ZNF557: variants seen among roughly 807,000 people sequenced by gnomAD.
The protein encoded by ZNF557 is zinc finger protein 557.
A neutral mutation model predicts 21.2 loss-of-function variants in ZNF557; 19 were observed. The observed-to-expected ratio is 0.90, with a 90% CI of 0.63 to 1.32. The LOEUF (loss-of-function observed/expected upper bound fraction) is 1.32, where lower values mean the gene tolerates loss of function less well. Among genes scored for constraint, ZNF557 ranks in the 40% most tolerant of loss-of-function variants. The probability of loss-of-function intolerance (pLI) is 0.00; values close to 1 mark genes in which losing one functional copy is unlikely to be tolerated. For missense variants in ZNF557, 487 were observed against 519.8 expected (o/e 0.94, Z 0.61); for synonymous variants, 207 against 194.8 (o/e 1.06, Z -0.52).
In ZNF557 at chr19:7,082,875, T is replaced by C. The variant is rs1977741319; in HGVS notation, c.427-3T>C. 1.9e-6 allele frequency: 3 copies of C among 1,560,898 alleles called. No homozygotes were observed. Among genetic ancestry groups the C allele is most frequent in the Non-Finnish European group, 8.7e-7 (1 of 1,154,858 alleles). ...GTACTTATTGTCATCTCTTAATCAA[T>C]AGGAGAGGAATCATCTTGGAGCAAC... On this transcript the variant is annotated splice_region_variant and splice_polypyrimidine_tract_variant and intron_variant, in intron 7 of 7. Coordinates refer to ENST00000252840, the MANE Select transcript of ZNF557 (RefSeq NM_024341.3).
intron 2 of ZNF557, among the ~76,000 whole-genome samples, chr19:7,072,785 T>C (rs1306127064): frequency 6.6e-6 from 1 of 152,136 alleles, no homozygotes; most frequent in Non-Finnish European, 1.5e-5. Flanking sequence ...CACATATCAC[T>C]CTGAAATGCA....
At chr19:7,073,157 G>GTTTTTGTT (rs1977500321) in intron 2 of ZNF557, among the ~76,000 whole-genome samples, 1 of 136,072 alleles carries the variant, frequency 7.3e-6, no homozygotes, top group Non-Finnish European at 1.5e-5. Context: ...GGTTTTTTTT[G>GTTTTTGTT]TTTTTTTTTT....
intron 1 of ZNF557, among the ~76,000 whole-genome samples, chr19:7,070,329 C>G (rs1441976128): frequency 6.6e-6 from 1 of 152,192 alleles, no homozygotes; most frequent in African/African-American, 2.4e-5. Context: ...CAGATGAAAA[C>G]AGCTTTAAGC....
At chr19:7,076,312 T>G in intron 4 of ZNF557, 69 bp from the exon 5 acceptor site, 1 of 1,613,994 alleles carries the variant, frequency 6.2e-7, no homozygotes, top group Non-Finnish European at 8.5e-7. Flanking sequence ...TCTGTTCTCC[T>G]GGCCCCTCTT....
intron 3 of ZNF557, 40 bp from the exon 4 acceptor site, chr19:7,075,615 G>A (rs1490630350): frequency 4.4e-6 from 7 of 1,602,138 alleles, no homozygotes; most frequent in Non-Finnish European, 6.0e-6. Context: ...GTGGACACAG[G>A]GCAGGTGTGG....
chr19:7,074,941 A>G lies in ZNF557; in HGVS notation c.-79-55A>G. 3 of 1,469,072 alleles carry G rather than the reference A, an allele frequency of 2.0e-6. No homozygotes were observed. The East Asian group carries it at 6.9e-5, about 34-fold the overall frequency. The allele number at this position is 1,469,072 out of a possible 1,614,324, so 91.0% of individuals were successfully genotyped here. A position where few individuals can be genotyped will look rare whatever the true frequency, so the allele number is the denominator to read the frequency against. Reference sequence around the variant, plus strand: ...GGGCAGGAGACGGGGTGACCGACGCAGGGCACGGGCTGGAGGGGGTGACCG... The same window carrying G: ...GGGCAGGAGACGGGGTGACCGACGCGGGGCACGGGCTGGAGGGGGTGACCG... On this transcript the variant is annotated intron_variant, in intron 2 of 7. Transcript: ENST00000252840.
intron 5 of ZNF557, 151 bp downstream of exon 5, chr19:7,076,658 G>A: frequency 8.6e-7 from 1 of 1,158,282 alleles, no homozygotes; most frequent in Non-Finnish European, 1.2e-6. Context: ...GGTTCACAGT[G>A]TAGTACAGCC....
chr19:7,084,857 A>G lies in ZNF557; in HGVS notation c.*1113A>G, dbSNP rs75696162. 2 of 152,172 alleles carry G rather than the reference A, an allele frequency of 1.3e-5. No homozygotes were observed. Among genetic ancestry groups the G allele is most frequent in the African/African-American group, 2.4e-5 (1 of 41,448 alleles). The allele number at this position is 152,172 out of a possible 1,614,324, so 9.4% of individuals were successfully genotyped here. A position where few individuals can be genotyped will look rare whatever the true frequency, so the allele number is the denominator to read the frequency against. On this transcript the variant is annotated 3_prime_UTR_variant, in exon 8 of 8. Transcript: ENST00000252840. ...TTCAGTGATGGCTTCAGGGAGTCAC[A>G]TGACAACTCACAATAAGGGGAAACC...
chr19:7,070,089 G>T (rs1326544152), intron 1 of ZNF557, among the ~76,000 whole-genome samples: 4 of 152,220 alleles, frequency 2.6e-5, no homozygotes, highest in African/African-American at 9.6e-5. Context: ...TAGCAGCTCA[G>T]CATCCTGCAG....
chr19:7,071,868 G>T (rs1209395907), intron 2 of ZNF557, among the ~76,000 whole-genome samples: 5 of 148,854 alleles, frequency 3.4e-5, no homozygotes, highest in Non-Finnish European at 7.4e-5. Flanking sequence ...CACTTCGGGA[G>T]GCCAAGGCAG....
chr19:7,079,318 T>C (rs1392216500), intron 5 of ZNF557, among the ~76,000 whole-genome samples: 3 of 148,558 alleles, frequency 2.0e-5, no homozygotes, highest in Non-Finnish European at 4.4e-5. Context: ...CTTGGCTAAC[T>C]GCAAGCTCTG....
intron 4 of ZNF557, 58 bp downstream of exon 4, chr19:7,075,801 G>A (rs970463156): frequency 2.5e-6 from 4 of 1,592,718 alleles, no homozygotes; most frequent in Non-Finnish European, 3.4e-6. Context: ...GGTTGGACTT[G>A]ATGCCTTTCA....
intron 3 of ZNF557, among the ~76,000 whole-genome samples, chr19:7,075,421 C>T (rs1011673850): frequency 6.6e-6 from 1 of 152,164 alleles, no homozygotes; most frequent in African/African-American, 2.4e-5. Flanking sequence ...TAATCCCTTC[C>T]CCAAGTGCAG....
chr19:7,081,402 A>ACTCC lies in ZNF557; in HGVS notation c.290_291insCTCC (p.Gln97HisfsTer5). The stretch of plus-strand genomic sequence containing the variant: ...CCTAGGCTGATCTCCCAGCTGGAGC[A>ACTCC]AGAAGATAAAGTGATGACAGAAGAG... On this transcript the variant is annotated frameshift_variant, in exon 6 of 8. Transcript: ENST00000252840. LOFTEE classifies it high-confidence loss of function. 1 of 1,614,010 alleles carries ACTCC rather than the reference A, an allele frequency of 6.2e-7. No individual in the cohort carries two copies. Among genetic ancestry groups the ACTCC allele is most frequent in the Non-Finnish European group, 8.5e-7 (1 of 1,179,942 alleles).
Position 7,081,977 on chromosome 19 carries a change from G to T in ZNF557, c.351G>T (p.Glu117Asp). Residue 117 changes from glutamate (E) to aspartate (D), a missense_variant, in exon 7 of 8, where the codon GAG becomes GAT. Glu to Asp is a conservative substitution (Grantham distance 45, BLOSUM62 2). Coordinates refer to ENST00000252840, the MANE Select transcript of ZNF557 (RefSeq NM_024341.3). Reference sequence around the variant, plus strand: ...CTTTTTAACTTGTTTCAGATGTGGAGAATCCATTTAAAGCCAAAGGGTTAA... The same window carrying T: ...CTTTTTAACTTGTTTCAGATGTGGATAATCCATTTAAAGCCAAAGGGTTAA... The part of the protein sequence containing the change: ...GILSGTCPDV[E>D]NPFKAKGLTP... The T allele has an allele frequency of 6.2e-7, 1 of 1,613,206 alleles. No homozygotes were observed. Among genetic ancestry groups the T allele is most frequent in the South Asian group, 1.1e-5 (1 of 91,040 alleles).
At chr19:7,074,357 C>CACAT (rs3222378) in intron 2 of ZNF557, among the ~76,000 whole-genome samples, 1 of 150,948 alleles carries the variant, frequency 6.6e-6, no homozygotes, top group Non-Finnish European at 1.5e-5. Context: ...CACACACACA[C>CACAT]AGCCCTTCTT....
chr19:7,073,134 T>C (rs528343258), intron 2 of ZNF557, among the ~76,000 whole-genome samples: 1 of 138,618 alleles, frequency 7.2e-6, no homozygotes, highest in South Asian at 2.2e-4. Flanking sequence ...ATAATACAGA[T>C]ATTTGTTTTT....
chr19:7,075,023 A>G lies in ZNF557; in HGVS notation c.-52A>G. ...TGCTGTCCTGAGAGCGCTGCGGGAT[A>G]AAGGAGGAGCGTCCTGCTTCCCGGC... On this transcript the variant is annotated 5_prime_UTR_variant, in exon 3 of 8. It adds an upstream start codon to the 5' untranslated region. Transcript: ENST00000252840. The G allele has an allele frequency of 6.2e-7, 1 of 1,613,674 alleles. No individual in the cohort carries two copies. The highest frequency in any genetic ancestry group is 8.5e-7 in the Non-Finnish European group (1 of 1,179,864).
Position 7,083,213 on chromosome 19 carries a change from CTTGAGAA to C in ZNF557, c.765_771del (p.Leu255PhefsTer79). On this transcript the variant is annotated frameshift_variant, in exon 8 of 8. Coordinates refer to ENST00000252840, the MANE Select transcript of ZNF557 (RefSeq NM_024341.3). LOFTEE classifies it low-confidence loss of function (END_TRUNC). ...GCAATTCCTCATACCTCAGACCGCA[CTTGAGAA>C]TTCACACTGGAGAAAAACCGTACAA... is the stretch of plus-strand genomic sequence containing the variant. The C allele has an allele frequency of 6.2e-7, 1 of 1,614,218 alleles. No individual in the cohort carries two copies. The highest frequency in any genetic ancestry group is 8.5e-7 in the Non-Finnish European group (1 of 1,180,046).
Sources: gnomAD v4.1 joint callset for allele counts (sites outside exome capture counted in the v4.1 genomes callset) on GRCh38, gnomAD v4.1.1 for gene constraint, MANE v1.5 for transcripts, NCBI Gene and HGNC (gene_info 2026-07-23, HGNC 2026-07-21) for gene names.